The following ROR1 variants were observed in gnomAD, a reference collection of about 807,000 sequenced individuals.
ROR1 encodes the protein ROR family WNT receptor 1, also known as inactive tyrosine-protein kinase transmembrane receptor ROR1.
In ROR1, 19 loss-of-function variants were observed where a neutral mutation model predicts 78.8. That is an observed-to-expected ratio of 0.24 (90% CI 0.17 to 0.35). The LOEUF is 0.35. ROR1 is among the 10% of genes least tolerant of loss of function. The pLI, the probability that ROR1 is intolerant of heterozygous loss-of-function variation, is 1.00. For synonymous variants in ROR1, 386 were observed against 433.6 expected, an observed-to-expected ratio of 0.89 and a Z score of 1.36; for missense variants, 917 against 1,177.8, an observed-to-expected ratio of 0.78 and a Z score of 3.24.
intron 4 of ROR1, chr1:64,108,303 A>G (rs1251399354): frequency 6.8e-6 from 1 of 147,224 alleles, no homozygotes; most frequent in Non-Finnish European, 1.5e-5. Flanking sequence ...AGGCTAAGCC[A>G]GGATAATCAC....
intron 1 of ROR1, among the ~76,000 whole-genome samples, chr1:63,996,699 T>A (rs1393496145): frequency 6.6e-6 from 1 of 152,074 alleles, no homozygotes; most frequent in African/African-American, 2.4e-5. Context: ...GTTCTTTTTT[T>A]CCCCCCTTTC....
At chr1:63,987,912 T>C (rs754976380) in intron 1 of ROR1, among the ~76,000 whole-genome samples, 7 of 152,208 alleles carry the variant, frequency 4.6e-5, no homozygotes, top group African/African-American at 1.4e-4. Context: ...TTGCCCACTC[T>C]GTCATGCTGA....
intron 1 of ROR1, among the ~76,000 whole-genome samples, chr1:63,984,603 C>G (rs543411379): frequency 1.3e-5 from 2 of 152,276 alleles, no homozygotes; most frequent in South Asian, 4.1e-4. Flanking sequence ...GTACCAAACA[C>G]AAGCTCTCAA....
chr1:63,891,590 C>G (rs1355768900), intron 1 of ROR1, among the ~76,000 whole-genome samples: 2 of 152,068 alleles, frequency 1.3e-5, no homozygotes, highest in East Asian at 1.9e-4. Flanking sequence ...GTGAAGATTT[C>G]CAGAAGAAAT....
intron 2 of ROR1, among the ~76,000 whole-genome samples, chr1:64,038,808 C>T (rs1308571069): frequency 2.0e-5 from 3 of 152,130 alleles, no homozygotes; most frequent in African/African-American, 7.2e-5. Context: ...GCATTTTACA[C>T]GTCTATCTTT....
At chr1:64,031,407 G>GC (rs1646658651) in intron 2 of ROR1, among the ~76,000 whole-genome samples, 1 of 152,170 alleles carries the variant, frequency 6.6e-6, no homozygotes, top group Admixed American at 6.5e-5. Flanking sequence ...AGCAGCCTGA[G>GC]CCCCCCAGGG....
chr1:64,179,078 T>G lies in ROR1; in HGVS notation c.*223T>G, dbSNP rs1650481508. The G allele has an allele frequency of 2.2e-6, 1 of 450,340 alleles. No individual in the cohort carries two copies. The highest frequency in any genetic ancestry group is 3.9e-6 in the Non-Finnish European group (1 of 258,544). The allele number at this position is 450,340 out of a possible 1,614,324, so 27.9% of individuals were successfully genotyped here. On this transcript the variant is annotated 3_prime_UTR_variant, in exon 9 of 9. Transcript: ENST00000371079. ...AACAAAAACATTGTGGGATGTGCAC[T>G]CCATTGGAGTGCATGACATGGCATT...
In ROR1 at chr1:64,005,336, T is replaced by A. The variant is rs370585413; in HGVS notation, c.92-3969T>A. On this transcript the variant is annotated intron_variant, in intron 1 of 8. Coordinates refer to ENST00000371079, the MANE Select transcript of ROR1 (RefSeq NM_005012.4). The stretch of plus-strand genomic sequence containing the variant: ...TATGGATGAGAAAATAGAAGTTAAA[T>A]GATGTTCAGTAACTTTCTCATGATC... Among the ~76,000 whole-genome samples, 19 of 152,328 alleles carry A rather than the reference T, an allele frequency of 1.2e-4. No individual in the cohort carries two copies. The South Asian group carries it at 3.9e-3, about 32-fold the overall frequency.
At chr1:63,877,400 G>A (rs72683061) in intron 1 of ROR1, among the ~76,000 whole-genome samples, 2,473 of 152,262 alleles carry the variant, frequency 0.016, 44 homozygotes, top group Non-Finnish European at 0.028. Flanking sequence ...GGATCATAAC[G>A]CACATCACCT....
intron 1 of ROR1, among the ~76,000 whole-genome samples, chr1:63,905,005 A>T (rs1280287606): frequency 6.6e-6 from 1 of 152,038 alleles, no homozygotes; most frequent in African/African-American, 2.4e-5. Flanking sequence ...CCTGCTTGTT[A>T]CAGCTCCTCA....
At chr1:63,825,543 C>T (rs1326125449) in intron 1 of ROR1, among the ~76,000 whole-genome samples, 1 of 152,160 alleles carries the variant, frequency 6.6e-6, no homozygotes, top group Non-Finnish European at 1.5e-5. Context: ...AGCGTCACTT[C>T]TAGGAGCAGC....
intron 1 of ROR1, among the ~76,000 whole-genome samples, chr1:63,999,997 C>T (rs1264054567): frequency 2.0e-5 from 3 of 151,826 alleles, no homozygotes; most frequent in Non-Finnish European, 4.4e-5. Flanking sequence ...TTTGAATTGG[C>T]CAGAGACAAT....
chr1:63,787,471 T>TTCCG (rs1454423033), intron 1 of ROR1, among the ~76,000 whole-genome samples: 1 of 142,922 alleles, frequency 7.0e-6, no homozygotes, highest in Non-Finnish European at 1.5e-5. Context: ...CCTTCCTTCC[T>TTCCG]TCCTTCCTTC....
intron 2 of ROR1, among the ~76,000 whole-genome samples, chr1:64,039,818 G>A (rs963604993): frequency 2.6e-5 from 4 of 152,130 alleles, no homozygotes; most frequent in Non-Finnish European, 5.9e-5. Flanking sequence ...AGTTCATTAC[G>A]TGGACCCACT....
chr1:63,899,522 G>A (rs917833983), intron 1 of ROR1, among the ~76,000 whole-genome samples: 4 of 152,044 alleles, frequency 2.6e-5, no homozygotes, highest in Non-Finnish European at 4.4e-5. Flanking sequence ...TCAGTGTCTT[G>A]TTTATGCTGC....
At chr1:63,955,736 G>T (rs1253152700) in intron 1 of ROR1, among the ~76,000 whole-genome samples, 1 of 152,132 alleles carries the variant, frequency 6.6e-6, no homozygotes, top group Non-Finnish European at 1.5e-5. Flanking sequence ...ACTGGGAATG[G>T]CATGGCCTTC....
chr1:64,010,631 T>C (rs1646468038), intron 2 of ROR1, among the ~76,000 whole-genome samples: 1 of 152,180 alleles, frequency 6.6e-6, no homozygotes, highest in Admixed American at 6.5e-5. Flanking sequence ...CTCTATTGTC[T>C]ACTGACATAG....
At chr1:63,788,316 A>G (rs1423630054) in intron 1 of ROR1, among the ~76,000 whole-genome samples, 3 of 152,200 alleles carry the variant, frequency 2.0e-5, no homozygotes, top group Non-Finnish European at 4.4e-5. Flanking sequence ...CCATTATCCT[A>G]CCATTCAGAG....
chr1:64,144,572 A>G (rs1214991615), intron 7 of ROR1, among the ~76,000 whole-genome samples: 1 of 152,174 alleles, frequency 6.6e-6, no homozygotes, highest in Non-Finnish European at 1.5e-5. Context: ...GAGACACCTT[A>G]CCTCTGTCAC....
Sources: gnomAD v4.1 joint callset for allele counts (sites outside exome capture counted in the v4.1 genomes callset) on GRCh38, gnomAD v4.1.1 for gene constraint, MANE v1.5 for transcripts, NCBI Gene and HGNC (gene_info 2026-07-23, HGNC 2026-07-21) for gene names.